Variants in AIFM3 observed in about 807,000 individuals in gnomAD.
AIFM3 encodes the protein apoptosis-inducing factor 3.
AIFM3 carries 71 observed loss-of-function variants against 82.7 expected under a neutral mutation model. The observed-to-expected ratio is 0.86, with a 90% CI of 0.71 to 1.05. AIFM3 has a LOEUF of 1.05. Among genes scored for constraint, AIFM3 ranks in the 50% least tolerant of loss-of-function variants. AIFM3 has a pLI of 0.00. For synonymous variants in AIFM3, 337 were observed against 329.1 expected (o/e 1.02, Z -0.26); for missense variants, 748 against 816.7 (o/e 0.92, Z 1.03).
chr22:20,968,904 T>G (rs58500074), intron 2 of AIFM3, among the ~76,000 whole-genome samples: 2 of 152,260 alleles, frequency 1.3e-5, no homozygotes, highest in African/African-American at 4.8e-5. Context: ...CTTTTCTCCC[T>G]TTCCTGGGTC....
In AIFM3 at chr22:20,974,073, C is replaced by T. The variant is rs1489394669; in HGVS notation, c.366C>T (p.Ser122=). Residue 122 remains serine, a synonymous_variant, in exon 5 of 21, where the codon TCC becomes TCT. Transcript: ENST00000440238. ...ACCTCCCCTTCCCAGGCGTTCTGTC[C>T]CGTGGTCGGGTGCGCTGCCCCTGGC... The part of the protein sequence containing the change: ...YGAPLVKGVL[S]RGRVRCPWHG... The T allele has an allele frequency of 6.8e-6, 11 of 1,609,072 alleles. No homozygotes were observed. Among genetic ancestry groups the T allele is most frequent in the Non-Finnish European group, 9.3e-6 (11 of 1,179,120 alleles).
At chr22:20,978,713 A>G (rs1336173035) in intron 16 of AIFM3, among the ~76,000 whole-genome samples, 1 of 152,070 alleles carries the variant, frequency 6.6e-6, no homozygotes, top group Non-Finnish European at 1.5e-5. Context: ...ATTCAAGTCC[A>G]AAGTCGAAAG....
At chr22:20,976,584 C>T in intron 11 of AIFM3, 46 bp downstream of exon 11, 1 of 1,613,078 alleles carries the variant, frequency 6.2e-7, no homozygotes, top group Non-Finnish European at 8.5e-7. Context: ...TCGTCATGGC[C>T]AGTCCCAGGG....
chr22:20,973,576 AG>A, intron 3 of AIFM3, 56 bp downstream of exon 3: 1 of 1,477,814 alleles, frequency 6.8e-7, no homozygotes, highest in Non-Finnish European at 9.2e-7. Flanking sequence ...TGGGAGGGTG[AG>A]GGGGCCATAG....
intron 14 of AIFM3, 47 bp downstream of exon 14, chr22:20,977,142 G>A (rs1375714201): frequency 6.2e-7 from 1 of 1,611,428 alleles, no homozygotes; most frequent in African/African-American, 1.3e-5. Context: ...CCAGCCGTCT[G>A]CACATGCTCA....
intron 3 of AIFM3, 100 bp from the exon 4 acceptor site, chr22:20,973,658 C>G (rs1460506248): frequency 7.2e-7 from 1 of 1,398,066 alleles, no homozygotes; most frequent in African/African-American, 1.4e-5. Flanking sequence ...GTGGCTTCTA[C>G]CGGTCTGGGC....
Position 20,979,649 on chromosome 22 carries a change from C to T in AIFM3, c.1599C>T (p.Asp533=). The change falls in exon 18 of 21, where the codon GAC becomes GAT. Residue 533 remains aspartate (D), a synonymous_variant. Transcript: ENST00000440238. ...RYAGYGEGFD[D]VIIQGDLEEL... is the part of the protein sequence containing the mutation. ...CAGGCTACGGAGAAGGCTTCGACGA[C>T]GTCATCATCCAGGGGGATCTGGAGG... The T allele has an allele frequency of 6.2e-7, 1 of 1,614,204 alleles. No homozygotes were observed. Among genetic ancestry groups the T allele is most frequent in the Non-Finnish European group, 8.5e-7 (1 of 1,180,036 alleles).
intron 14 of AIFM3, 163 bp downstream of exon 14, chr22:20,977,258 G>T (rs1432353534): frequency 1.6e-5 from 16 of 1,002,144 alleles, no homozygotes; most frequent in Admixed American, 2.1e-5. Flanking sequence ...TGTTGGGGAA[G>T]GTATGTACTG....
At chr22:20,968,391 A>G (rs548474556) in intron 2 of AIFM3, among the ~76,000 whole-genome samples, 5 of 152,236 alleles carry the variant, frequency 3.3e-5, no homozygotes, top group African/African-American at 1.2e-4. Flanking sequence ...TTCTCTCTGC[A>G]AAAGAGAGGG....
At chr22:20,967,742 C>T (rs1014029332) in intron 1 of AIFM3, 63 bp from the exon 2 acceptor site, 14 of 603,084 alleles carry the variant, frequency 2.3e-5, no homozygotes, top group Non-Finnish European at 3.8e-5. Context: ...TGTCTCTCTC[C>T]GTCCCTCTGT....
Position 20,967,321 on chromosome 22 carries a change from T to C in AIFM3, c.-141+18T>C, listed in dbSNP as rs796831060. 2.6e-5 allele frequency: 4 copies of C among 152,762 alleles called. No homozygotes were observed. Among genetic ancestry groups the C allele is most frequent in the African/African-American group, 9.6e-5 (4 of 41,542 alleles). 9.5% of individuals were successfully genotyped at this position (152,762 alleles called of 1,614,324 possible). A position where few individuals can be genotyped will look rare whatever the true frequency, so the allele number is the denominator to read the frequency against. ...GCGAGGAGGTGGGTGTCCGGAGTGC[T>C]AGCCAGGGTGGGGCTGGGCTAGGGG... On this transcript the variant is annotated intron_variant, in intron 1 of 20. Transcript: ENST00000440238.
chr22:20,979,386 G>C lies in AIFM3; in HGVS notation c.1576+17G>C, dbSNP rs1459206101. The C allele has an allele frequency of 2.6e-6, 4 of 1,549,044 alleles. No homozygotes were observed. Among genetic ancestry groups the C allele is most frequent in the Non-Finnish European group, 3.5e-6 (4 of 1,146,856 alleles). On this transcript the variant is annotated intron_variant, in intron 17 of 20. Transcript: ENST00000440238. ...GCTACGCGGGTAACCCCGGGGCCTC[G>C]GATGGGGGCGGGGCCGAGGGCGTTT...
At chr22:20,980,235 G>T in intron 19 of AIFM3, 111 bp downstream of exon 19, 1 of 941,662 alleles carries the variant, frequency 1.1e-6, no homozygotes, top group Admixed American at 2.5e-5. Flanking sequence ...TTCCCCTCTT[G>T]GTTTGCATCG....
intron 2 of AIFM3, 118 bp from the exon 3 acceptor site, chr22:20,973,189 G>A: frequency 8.3e-7 from 1 of 1,203,240 alleles, no homozygotes; most frequent in Non-Finnish European, 1.2e-6. Context: ...TTCTGGGGAG[G>A]TTGCCAGGCA....
chr22:20,970,561 A>G (rs140364075), intron 2 of AIFM3, among the ~76,000 whole-genome samples: 39 of 152,218 alleles, frequency 2.6e-4, no homozygotes, highest in Non-Finnish European at 5.0e-4. Context: ...CCCAGGTTCA[A>G]GCGATTCTCC....
chr22:20,977,830 G>A (rs934044597), intron 15 of AIFM3, 54 bp downstream of exon 15: 98 of 1,613,940 alleles, frequency 6.1e-5, no homozygotes, highest in Non-Finnish European at 8.1e-5. Context: ...GGGAGTGGCA[G>A]GAGGTTCAGG....
intron 17 of AIFM3, 74 bp from the exon 18 acceptor site, chr22:20,979,553 T>G (rs1253770684): frequency 1.3e-6 from 2 of 1,572,394 alleles, no homozygotes; most frequent in Non-Finnish European, 8.7e-7. Flanking sequence ...CTGGGCGGGG[T>G]TAGGAGGGGA....
chr22:20,981,023 G>A lies in AIFM3; in HGVS notation c.1810G>A (p.Gly604Arg). The A allele has an allele frequency of 1.9e-6, 3 of 1,614,174 alleles. No homozygotes were observed. The highest frequency in any genetic ancestry group is 1.1e-5 in the South Asian group (1 of 91,086). Residue 604 changes from glycine to arginine, a missense_variant, in exon 21 of 21, where the codon GGA (glycine) becomes AGA (arginine). Coordinates refer to ENST00000440238, the MANE Select transcript of AIFM3 (RefSeq NM_001386814.1). The part of the protein sequence containing the change: ...TGDMSWLTGK[G>R]S ...CGACATGTCCTGGCTTACGGGGAAA[G>A]GATCCTGAGCTCACATGCAGTAGAC...
Position 20,976,310 on chromosome 22 carries a change from G to T in AIFM3, c.899+4G>T, listed in dbSNP as rs769223224. ...TGCTGCTGGCACCAGGGAGCAGGTG[G>T]GAGGGTCTCCTTTTTACCCATCGGA... is the stretch of plus-strand genomic sequence containing the variant. On this transcript the variant is annotated splice_donor_region_variant and intron_variant, in intron 10 of 20. Transcript: ENST00000440238. 1 of 1,613,978 alleles carries T rather than the reference G, an allele frequency of 6.2e-7. No individual in the cohort carries two copies. Among genetic ancestry groups the T allele is most frequent in the Non-Finnish European group, 8.5e-7 (1 of 1,180,024 alleles).
Sources: gnomAD v4.1 joint callset for allele counts (sites outside exome capture counted in the v4.1 genomes callset) on GRCh38, gnomAD v4.1.1 for gene constraint, MANE v1.5 for transcripts, NCBI Gene and HGNC (gene_info 2026-07-23, HGNC 2026-07-21) for gene names.